Variants in SEC23IP observed in about 807,000 individuals in gnomAD.
The protein encoded by SEC23IP is SEC23-interacting protein.
A neutral mutation model predicts 113.4 loss-of-function variants in SEC23IP; 70 were observed. The ratio of observed to expected loss-of-function variants is 0.62; its 90% CI spans 0.51 to 0.75. The LOEUF is 0.75. Among genes scored for constraint, SEC23IP ranks in the 30% least tolerant of loss-of-function variants. SEC23IP has a pLI of 0.00. For missense variants in SEC23IP, 1,160 were observed against 1,204.9 expected (o/e 0.96, Z 0.55); for synonymous variants, 398 against 421.0 (o/e 0.95, Z 0.67).
At chr10:119,936,046 G>T (rs1253647112) in intron 18 of SEC23IP, among the ~76,000 whole-genome samples, 1 of 152,166 alleles carries the variant, frequency 6.6e-6, no homozygotes, top group Non-Finnish European at 1.5e-5. Context: ...CAGTACTACA[G>T]TGATACGTGA....
At chr10:119,901,789 C>T (rs547177873) in intron 2 of SEC23IP, among the ~76,000 whole-genome samples, 78 of 152,224 alleles carry the variant, frequency 5.1e-4, no homozygotes, top group African/African-American at 1.8e-3. Flanking sequence ...CGGGTTCAAG[C>T]GATTCTCCTG....
intron 4 of SEC23IP, among the ~76,000 whole-genome samples, chr10:119,905,263 A>G (rs1388860945): frequency 1.3e-5 from 2 of 152,218 alleles, no homozygotes; most frequent in African/African-American, 4.8e-5. Context: ...ATAAAGATAT[A>G]TTGTAATTTT....
At position 119,943,383 on chromosome 10, in the gene SEC23IP, A is replaced by G. The variant is rs1856008279; in HGVS notation, c.*2818A>G. The G allele has an allele frequency of 1.3e-5, 2 of 152,126 alleles. No individual in the cohort carries two copies. The highest frequency in any genetic ancestry group is 6.6e-5 in the Admixed American group (1 of 15,266). 9.4% of individuals were successfully genotyped at this position (152,126 alleles called of 1,614,324 possible). On this transcript the variant is annotated 3_prime_UTR_variant, in exon 19 of 19. Coordinates refer to ENST00000369075, the MANE Select transcript of SEC23IP (RefSeq NM_007190.4). ...ACAGACTGTCAGCTAACCTGTCTTC[A>G]TGACATTTCTATAATACTCCTCAGG...
intron 18 of SEC23IP, among the ~76,000 whole-genome samples, chr10:119,936,330 G>T (rs1481819827): frequency 6.6e-6 from 1 of 152,022 alleles, no homozygotes; most frequent in East Asian, 1.9e-4. Flanking sequence ...GCCGAGGCGG[G>T]CAGATCACTT....
chr10:119,912,026 T>C lies in SEC23IP; in HGVS notation c.1192-18T>C. On this transcript the variant is annotated intron_variant, in intron 5 of 18. Transcript: ENST00000369075. ...AATTTGTTAATGAGCTTTGTCATAA[T>C]TCTGTTGCATCTTGAAGGTTATTGT... 6.2e-7 allele frequency: 1 copy of C among 1,613,338 alleles called. No individual in the cohort carries two copies. The highest frequency in any genetic ancestry group is 1.1e-5 in the South Asian group (1 of 90,926).
At chr10:119,918,111 G>T in intron 9 of SEC23IP, 67 bp downstream of exon 9, 1 of 1,279,332 alleles carries the variant, frequency 7.8e-7, no homozygotes, top group Non-Finnish European at 1.1e-6. Flanking sequence ...TTCAGTGTAG[G>T]TGATATTGTT....
At position 119,929,631 on chromosome 10, in the gene SEC23IP, G is replaced by T; in HGVS notation, c.2338G>T (p.Asp780Tyr). ...GQVSVAYNSL[D>Y]FEPEIFFALG... The stretch of plus-strand genomic sequence containing the variant: ...GGTTTCTGTTGCTTACAACTCATTA[G>T]ATTTTGAACCAGAGATATTCTTTGC... The change falls in exon 14 of 19, where the codon GAT becomes TAT. Residue 780 changes from aspartate (D) to tyrosine (Y), a missense_variant. Asp to Tyr is a radical substitution (Grantham distance 160). Transcript: ENST00000369075. 1 of 1,610,914 alleles carries T rather than the reference G, an allele frequency of 6.2e-7. No individual in the cohort carries two copies.
chr10:119,910,133 T>C (rs1854810930), intron 5 of SEC23IP, among the ~76,000 whole-genome samples: 2 of 152,232 alleles, frequency 1.3e-5, no homozygotes, highest in Admixed American at 6.5e-5. Context: ...AACCAATGGG[T>C]ATGATATTTT....
chr10:119,899,371 C>A (rs1479038631), intron 2 of SEC23IP, among the ~76,000 whole-genome samples: 2 of 152,128 alleles, frequency 1.3e-5, no homozygotes, highest in African/African-American at 4.8e-5. Context: ...TCAGTAATTT[C>A]TTTATGGAGT....
chr10:119,919,601 T>C lies in SEC23IP; in HGVS notation c.2025+5T>C. 3.2e-6 allele frequency: 5 copies of C among 1,564,130 alleles called. No individual in the cohort carries two copies. The highest frequency in any genetic ancestry group is 3.4e-6 in the Non-Finnish European group (4 of 1,161,388). The stretch of plus-strand genomic sequence containing the variant: ...AAGATTGATATGGAGTCCCTGGTAC[T>C]GATCATAGTTTGCTTCATTTTGTTT... On this transcript the variant is annotated splice_donor_5th_base_variant and intron_variant, in intron 11 of 18. Transcript: ENST00000369075.
In SEC23IP at chr10:119,930,445, A is replaced by G. The variant is rs761623075; in HGVS notation, c.2572+14A>G. The G allele has an allele frequency of 6.7e-7, 1 of 1,488,214 alleles. No homozygotes were observed. The highest frequency in any genetic ancestry group is 9.3e-7 in the Non-Finnish European group (1 of 1,074,158). The allele number at this position is 1,488,214 out of a possible 1,614,324, so 92.2% of individuals were successfully genotyped here. The stretch of plus-strand genomic sequence containing the variant: ...GACTTCATTTAGGTAAAAAGCAAAT[A>G]CTATAAAAACTTTTTTTCCTGTCAT... On this transcript the variant is annotated intron_variant, in intron 15 of 18. Transcript: ENST00000369075.
At chr10:119,900,336 G>A (rs945787397) in intron 2 of SEC23IP, among the ~76,000 whole-genome samples, 3 of 151,180 alleles carry the variant, frequency 2.0e-5, no homozygotes, top group South Asian at 2.1e-4. Context: ...TTGAGGCCAG[G>A]TCTTGCTCTG....
intron 5 of SEC23IP, among the ~76,000 whole-genome samples, chr10:119,911,122 A>C (rs975640055): frequency 6.6e-6 from 1 of 151,588 alleles, no homozygotes; most frequent in Non-Finnish European, 1.5e-5. Flanking sequence ...TTTCCTAAAA[A>C]GTGGTAGGGT....
At chr10:119,926,266 T>C (rs1306263662) in intron 13 of SEC23IP, 39 bp downstream of exon 13, 1 of 1,537,302 alleles carries the variant, frequency 6.5e-7, no homozygotes, top group African/African-American at 1.4e-5. Flanking sequence ...TAGTTCATGT[T>C]GGAATCATAA....
intron 2 of SEC23IP, among the ~76,000 whole-genome samples, chr10:119,900,020 GC>G (rs1346039548): frequency 6.9e-6 from 1 of 144,108 alleles, no homozygotes; most frequent in East Asian, 2.0e-4. Context: ...TTCTCCTCCT[GC>G]CCCTCCCTCT....
chr10:119,896,611 T>A (rs1002925857), intron 1 of SEC23IP, among the ~76,000 whole-genome samples: 2 of 152,196 alleles, frequency 1.3e-5, no homozygotes, highest in Non-Finnish European at 2.9e-5. Flanking sequence ...CCTGTTAAAG[T>A]TGTGGCTTTA....
At chr10:119,903,074 C>T in intron 3 of SEC23IP, 65 bp downstream of exon 3, 2 of 1,294,446 alleles carry the variant, frequency 1.5e-6, no homozygotes, top group East Asian at 2.4e-5. Flanking sequence ...ATCATTTATT[C>T]ATGATCTATT....
intron 12 of SEC23IP, among the ~76,000 whole-genome samples, chr10:119,921,843 CT>C (rs1457961358): frequency 6.6e-6 from 1 of 152,024 alleles, no homozygotes. Flanking sequence ...ATCCTTCCAT[CT>C]TTTGAATTTC....
chr10:119,929,578 A>G (rs746711852), intron 13 of SEC23IP, 29 bp from the exon 14 acceptor site: 1 of 1,587,364 alleles, frequency 6.3e-7, no homozygotes, highest in Non-Finnish European at 8.6e-7. Flanking sequence ...TGGAACAATC[A>G]TCTTTCATTG....
Sources: gnomAD v4.1 joint callset for allele counts (sites outside exome capture counted in the v4.1 genomes callset) on GRCh38, gnomAD v4.1.1 for gene constraint, MANE v1.5 for transcripts, NCBI Gene and HGNC (gene_info 2026-07-23, HGNC 2026-07-21) for gene names.